Variants in FASTKD5 observed in about 807,000 individuals in gnomAD.
FASTKD5 encodes FAST kinase domains 5, also known as non-canonical pre-mRNAs endonuclease FASTKD5, mitochondrial.
In FASTKD5, 30 loss-of-function variants were observed where a neutral mutation model predicts 44.0. The ratio of observed to expected loss-of-function variants is 0.68; its 90% CI spans 0.51 to 0.93. The LOEUF (loss-of-function observed/expected upper bound fraction) is 0.93, where lower values mean the gene tolerates loss of function less well. Among genes scored for constraint, FASTKD5 ranks in the 40% least tolerant of loss-of-function variants. FASTKD5 has a pLI of 0.00. For synonymous variants in FASTKD5, 335 were observed against 342.2 expected, an observed-to-expected ratio of 0.98 and a Z score of 0.23; for missense variants, 868 against 908.2, an observed-to-expected ratio of 0.96 and a Z score of 0.57.
intron 1 of FASTKD5, among the ~76,000 whole-genome samples, chr20:3,156,253 G>A (rs935119484): frequency 2.0e-5 from 3 of 146,796 alleles, no homozygotes; most frequent in African/African-American, 5.1e-5. Context: ...TCAGCTCACT[G>A]CAACCTCTGC....
At position 3,148,185 on chromosome 20, in the gene FASTKD5, G is replaced by A; in HGVS notation, c.886C>T (p.Gln296Ter). Residue 296 changes from glutamine to a stop codon, truncating the protein, a stop_gained, in exon 2 of 2, where the codon CAG becomes TAG. Coordinates refer to ENST00000380266, the MANE Select transcript of FASTKD5 (RefSeq NM_021826.5). LOFTEE classifies it high-confidence loss of function. ...GATTCCAATTTTTGCATTAGGTCCT[G>A]GGATACCTGACGATTTTCACCTATA... ...YVIGENRQVS[Q>*]DLMQKLESLI... 1 of 1,613,878 alleles carries A rather than the reference G, an allele frequency of 6.2e-7. No homozygotes were observed. Among genetic ancestry groups the A allele is most frequent in the Non-Finnish European group, 8.5e-7 (1 of 1,179,984 alleles).
At chr20:3,153,982 C>G (rs2066658764) in intron 1 of FASTKD5, among the ~76,000 whole-genome samples, 1 of 152,056 alleles carries the variant, frequency 6.6e-6, no homozygotes, top group Non-Finnish European at 1.5e-5. Flanking sequence ...AATGCTCAAC[C>G]TGTACTTTAA....
In FASTKD5 at chr20:3,149,552, G is replaced by T. The variant is rs369842299; in HGVS notation, c.-190-292C>A. Among the ~76,000 whole-genome samples, 2 of 152,156 alleles carry T rather than the reference G, an allele frequency of 1.3e-5. No homozygotes were observed. Among genetic ancestry groups the T allele is most frequent in the African/African-American group, 4.8e-5 (2 of 41,442 alleles). On this transcript the variant is annotated intron_variant, in intron 1 of 1. Coordinates refer to ENST00000380266, the MANE Select transcript of FASTKD5 (RefSeq NM_021826.5). The surrounding 1 kb of genome is among the most constrained non-coding windows in gnomAD (Gnocchi z 4.1). Reference sequence around the variant, plus strand: ...ACGGCTAAAGAAGAGACGGTGCTCCGCTAACATTTGATAGGAAGAAGGAAG... The same window carrying T: ...ACGGCTAAAGAAGAGACGGTGCTCCTCTAACATTTGATAGGAAGAAGGAAG...
rs762357013 is a variant in FASTKD5 at position 3,146,880 on chromosome 20, G to A, written c.2191C>T (p.Arg731Cys). 7.4e-6 allele frequency: 12 copies of A among 1,614,062 alleles called. No individual in the cohort carries two copies. Among genetic ancestry groups the A allele is most frequent in the African/African-American group, 4.0e-5 (3 of 74,914 alleles). Reference sequence around the variant, plus strand: ...TCCCAGTAGGATAACTCTACCACACGGTAGCCAAGCCGAGCCAGCTGCCGC... The same window carrying A: ...TCCCAGTAGGATAACTCTACCACACAGTAGCCAAGCCGAGCCAGCTGCCGC... ...KRRQLARLGYRVVELSYWEWL... is the reference protein window; with the variant it reads ...KRRQLARLGYCVVELSYWEWL... The change falls in exon 2 of 2, where the codon CGT (arginine) becomes TGT (cysteine). Residue 731 changes from arginine (R) to cysteine (C), a missense_variant. Transcript: ENST00000380266.
chr20:3,155,068 A>AG (rs1379649240), intron 1 of FASTKD5, among the ~76,000 whole-genome samples: 2 of 132,070 alleles, frequency 1.5e-5, no homozygotes, highest in Non-Finnish European at 3.2e-5. Flanking sequence ...AAAAAAAAAA[A>AG]AAAAGAAAAG....
rs2066571759 is a variant in FASTKD5 at position 3,147,067 on chromosome 20, G to A, written c.2004C>T (p.Phe668=). The A allele has an allele frequency of 6.2e-7, 1 of 1,614,204 alleles. No individual in the cohort carries two copies. Among genetic ancestry groups the A allele is most frequent in the Non-Finnish European group, 8.5e-7 (1 of 1,180,050 alleles). ...ENKAAVPLGG[F]LCNVADKSGA... ...CTGATTTATCTGCTACATTGCAAAG[G>A]AAGCCCCCCAGAGGTACAGCTGCCT... Residue 668 remains phenylalanine, a synonymous_variant, in exon 2 of 2, where the codon TTC becomes TTT. Transcript: ENST00000380266.
At chr20:3,150,619 C>CTT (rs2066614615) in intron 1 of FASTKD5, 1 of 152,188 alleles carries the variant, frequency 6.6e-6, no homozygotes, top group East Asian at 1.9e-4. Flanking sequence ...GCAGAAAACT[C>CTT]CATAAAAGTT....
intron 1 of FASTKD5, among the ~76,000 whole-genome samples, chr20:3,159,221 G>A (rs1480517430): frequency 1.3e-5 from 2 of 152,194 alleles, no homozygotes; most frequent in African/African-American, 2.4e-5. Context: ...ATGGGGGGAA[G>A]GTATATATCC....
Position 3,147,486 on chromosome 20 carries a change from T to C in FASTKD5, c.1585A>G (p.Arg529Gly), listed in dbSNP as rs1327710804. Residue 529 changes from arginine (R) to glycine (G), a missense_variant, in exon 2 of 2, where the codon AGA becomes GGA. By Grantham distance (125) the Arg-to-Gly change is moderately radical. Transcript: ENST00000380266. ...GTVGIECPDY[R>G]GNRLSTHLQQ... ...AGGTGAGTACTAAGACGATTGCCTC[T>C]GTAATCTGGACACTCAATGCCAACT... The C allele has an allele frequency of 1.2e-5, 19 of 1,614,112 alleles. No homozygotes were observed. The highest frequency in any genetic ancestry group is 1.6e-5 in the Non-Finnish European group (19 of 1,180,044).
rs1006069915 is a variant in FASTKD5, at chr20:3,155,346, G to A, written c.-191+4420C>T. On this transcript the variant is annotated intron_variant, in intron 1 of 1. Coordinates refer to ENST00000380266, the MANE Select transcript of FASTKD5 (RefSeq NM_021826.5). ...GGAGTTTGAGACCAGCCTGGCCAAC[G>A]TGGCGAAACCACGTCTCTCCTAAAA... Among the ~76,000 whole-genome samples, 4 of 152,124 alleles carry A rather than the reference G, an allele frequency of 2.6e-5. No homozygotes were observed. The East Asian group carries it at 7.7e-4, about 29-fold the overall frequency.
chr20:3,152,926 T>TA (rs1304720741), intron 1 of FASTKD5, among the ~76,000 whole-genome samples: 27 of 151,658 alleles, frequency 1.8e-4, no homozygotes, highest in African/African-American at 6.0e-4. Context: ...AAGTAGATCC[T>TA]AAAAAAATAG....
Position 3,147,007 on chromosome 20 carries a change from G to A in FASTKD5, c.2064C>T (p.Ala688=). ...AMEMAGLCPA[A]CMQTPRMKLA... ...GCTTCATTCTTGGGGTCTGCATGCA[G>A]GCTGCGGGGCACAGGCCAGCCATCT... The change falls in exon 2 of 2, where the codon GCC becomes GCT. Residue 688 remains alanine (A), a synonymous_variant. Coordinates refer to ENST00000380266, the MANE Select transcript of FASTKD5 (RefSeq NM_021826.5). The A allele has an allele frequency of 6.2e-7, 1 of 1,614,168 alleles. No individual in the cohort carries two copies. The highest frequency in any genetic ancestry group is 8.5e-7 in the Non-Finnish European group (1 of 1,180,036).
At chr20:3,157,126 T>G (rs984026261) in intron 1 of FASTKD5, among the ~76,000 whole-genome samples, 3 of 152,106 alleles carry the variant, frequency 2.0e-5, no homozygotes, top group Non-Finnish European at 2.9e-5. Flanking sequence ...AAACCGAACT[T>G]TCTCTAGGTG....
chr20:3,159,005 G>A (rs2066718482), intron 1 of FASTKD5, among the ~76,000 whole-genome samples: 1 of 152,194 alleles, frequency 6.6e-6, no homozygotes, highest in Non-Finnish European at 1.5e-5. Context: ...ATGAAGCACT[G>A]TCCAAGGGTC....
intron 1 of FASTKD5, among the ~76,000 whole-genome samples, chr20:3,155,439 G>A (rs557753439): frequency 3.3e-5 from 5 of 152,240 alleles, no homozygotes; most frequent in East Asian, 1.9e-4. Flanking sequence ...GCCGAGGCAG[G>A]AGAATCACTT....
intron 1 of FASTKD5, among the ~76,000 whole-genome samples, chr20:3,158,285 T>G (rs2066709992): frequency 6.6e-6 from 1 of 151,792 alleles, no homozygotes. Flanking sequence ...AATTATTTTA[T>G]ATCAAAGTTG....
chr20:3,151,526 G>A (rs2066624761), intron 1 of FASTKD5, among the ~76,000 whole-genome samples: 1 of 152,120 alleles, frequency 6.6e-6, no homozygotes, highest in South Asian at 2.1e-4. Context: ...ACTTGGCCAC[G>A]CCTATAATCC....
At position 3,149,387 on chromosome 20, in the gene FASTKD5, C is replaced by G; in HGVS notation, c.-190-127G>C. ...AATAAGTTCAATGCTAGTAAATGCC[C>G]AAACCACATGACAGCATATATCAAG... is the stretch of plus-strand genomic sequence containing the variant. On this transcript the variant is annotated intron_variant, in intron 1 of 1. Transcript: ENST00000380266. The surrounding 1 kb of genome is among the most constrained non-coding windows in gnomAD (Gnocchi z 4.1). 3.1e-6 allele frequency: 1 copy of G among 323,618 alleles called. No homozygotes were observed. The highest frequency in any genetic ancestry group is 5.7e-6 in the Non-Finnish European group (1 of 176,400). 20.0% of individuals were successfully genotyped at this position (323,618 alleles called of 1,614,324 possible). A position where few individuals can be genotyped will look rare whatever the true frequency, so the allele number is the denominator to read the frequency against.
Position 3,148,997 on chromosome 20 carries a change from A to G in FASTKD5, c.74T>C (p.Val25Ala). 6.2e-7 allele frequency: 1 copy of G among 1,614,148 alleles called. No individual in the cohort carries two copies. Among genetic ancestry groups the G allele is most frequent in the Non-Finnish European group, 8.5e-7 (1 of 1,180,032 alleles). The change falls in exon 2 of 2, where the codon GTC becomes GCC. Residue 25 changes from valine to alanine, a missense_variant. Physicochemically the swap from Val to Ala is moderately conservative, Grantham distance 64. Transcript: ENST00000380266. ...AFCSPSAFGA[V>A]RSVSYWNVSS... ...CACATTCCAGTATGACACACTTCGG[A>G]CTGCACCAAAGGCAGAAGGACTGCA...
Sources: gnomAD v4.1 joint callset for allele counts (sites outside exome capture counted in the v4.1 genomes callset) on GRCh38, gnomAD v4.1.1 for gene constraint, Gnocchi (gnomAD v3.1) non-coding constraint, MANE v1.5 for transcripts, NCBI Gene and HGNC (gene_info 2026-07-23, HGNC 2026-07-21) for gene names.